The following MAP4K1 variants were observed in gnomAD, a reference collection of about 807,000 sequenced individuals.
The protein encoded by MAP4K1 is mitogen-activated protein kinase kinase kinase kinase 1, also known as MAPK/ERK kinase kinase kinase 1.
In MAP4K1, 35 loss-of-function variants were observed where a neutral mutation model predicts 122.8. The ratio of observed to expected loss-of-function variants is 0.29; its 90% confidence interval spans 0.22 to 0.38. MAP4K1 has a LOEUF of 0.38. MAP4K1 is among the 10% of genes least tolerant of loss of function. The pLI, the probability that MAP4K1 is intolerant of heterozygous loss-of-function variation, is 1.00. For missense variants in MAP4K1, 791 were observed against 1,072.6 expected (o/e 0.74, Z 3.67); for synonymous variants, 412 against 421.3 (o/e 0.98, Z 0.27).
intron 30 of MAP4K1, 32 bp from the exon 31 acceptor site, chr19:38,587,849 A>T (rs1362895208): frequency 6.7e-7 from 1 of 1,484,602 alleles, no homozygotes; most frequent in South Asian, 1.1e-5. Flanking sequence ...CAGTTCATTT[A>T]TTCATTCATA....
intron 19 of MAP4K1, 175 bp from the exon 20 acceptor site, chr19:38,601,700 C>T: frequency 1.8e-6 from 1 of 561,498 alleles, no homozygotes; most frequent in Non-Finnish European, 3.1e-6. Context: ...ATTGAGTTTT[C>T]TTTTCAGTTT....
At chr19:38,610,889 G>A (rs549242695) in intron 11 of MAP4K1, among the ~76,000 whole-genome samples, 162 bp downstream of exon 11, 17 of 152,174 alleles carry the variant, frequency 1.1e-4, no homozygotes, top group South Asian at 4.2e-4. Flanking sequence ...GGTATAACCC[G>A]GAGGGTCTCT....
At chr19:38,593,145 G>A (rs1454569545) in intron 30 of MAP4K1, 137 bp downstream of exon 30, 2 of 706,656 alleles carry the variant, frequency 2.8e-6, no homozygotes, top group East Asian at 6.1e-5. Context: ...ACAGACTCTA[G>A]GGAGCAGGGA....
chr19:38,596,352 G>A lies in MAP4K1; in HGVS notation c.2076C>T (p.Arg692=), dbSNP rs1974880782. ...PGKSVLFHTV[R]FGALSCWLGE... ...CCAGCCAGCAAGAGAGCGCGCCAAA[G>A]CGCACCGTGTGGAAGAGCACCGACT... The change falls in exon 26 of 31, where the codon CGC becomes CGT. Residue 692 remains arginine (R), a synonymous_variant. Transcript: ENST00000396857. 6.2e-7 allele frequency: 1 copy of A among 1,602,532 alleles called. No individual in the cohort carries two copies.
In MAP4K1 at chr19:38,597,103, G is replaced by A. The variant is rs199611484; in HGVS notation, c.1872C>T (p.Cys624=). Reference sequence around the variant, plus strand: ...GGACAACGGACGTCTCCAATGCACCGCACAGGAACGGGCCCCCAGAGCTCG... The same window carrying A: ...GGACAACGGACGTCTCCAATGCACCACACAGGAACGGGCCCCCAGAGCTCG... ...EGASSGGPFL[C]GALETSVVLL... The change falls in exon 25 of 31, where the codon TGC becomes TGT. Residue 624 remains cysteine (C), a synonymous_variant. Transcript: ENST00000396857. The surrounding 1 kb of genome is among the most constrained non-coding windows in gnomAD (Gnocchi z 4.6). 81 of 1,614,156 alleles carry A rather than the reference G, an allele frequency of 5.0e-5. No homozygotes were observed. In the African/African-American group the frequency reaches 8.8e-4, roughly 18 times the overall value.
rs1343764124 is a variant in MAP4K1, at chr19:38,607,992, G to A, written c.1107C>T (p.Pro369=). ...QPPRDLRSSS[P]RKQLSESSDD... Reference sequence around the variant, plus strand: ...CCATCCTCCCTGGGGTCCCTGACCTGGGGCTGCTGCTCCTGAGGTCTCGAG... The same window carrying A: ...CCATCCTCCCTGGGGTCCCTGACCTAGGGCTGCTGCTCCTGAGGTCTCGAG... Residue 369 remains proline (P), a splice_region_variant and synonymous_variant, in exon 15 of 31, where the codon CCC becomes CCT. Transcript: ENST00000396857. The A allele has an allele frequency of 5.0e-6, 8 of 1,611,490 alleles. No homozygotes were observed. The South Asian group carries it at 8.8e-5, about 18-fold the overall frequency.
intron 13 of MAP4K1, among the ~76,000 whole-genome samples, chr19:38,608,981 A>G (rs1269315143): frequency 6.6e-6 from 1 of 151,946 alleles, no homozygotes; most frequent in African/African-American, 2.4e-5. Flanking sequence ...ATCCTGTCAC[A>G]AAAAAATAAA....
chr19:38,593,682 C>T (rs1401816123), intron 29 of MAP4K1, among the ~76,000 whole-genome samples: 2 of 152,178 alleles, frequency 1.3e-5, no homozygotes, highest in African/African-American at 2.4e-5. Context: ...CCACTGGAGC[C>T]GAGATCTCCA....
At chr19:38,595,832 AGGCCCAG>A in intron 27 of MAP4K1, 100 bp downstream of exon 27, 1 of 1,497,250 alleles carries the variant, frequency 6.7e-7, no homozygotes, top group Middle Eastern at 1.7e-4. Flanking sequence ...GACAGGGGCA[AGGCCCAG>A]AGGGGCTCAG....
chr19:38,595,215 G>A (rs993091341), intron 29 of MAP4K1, among the ~76,000 whole-genome samples: 3 of 152,022 alleles, frequency 2.0e-5, no homozygotes, highest in Non-Finnish European at 4.4e-5. Context: ...CGTGAACCCG[G>A]GAGGTGGAGG....
chr19:38,593,200 C>CTCAGAATGT, intron 30 of MAP4K1, 82 bp downstream of exon 30: 1 of 1,358,768 alleles, frequency 7.4e-7, no homozygotes, highest in East Asian at 2.5e-5. Flanking sequence ...GCTAGAGATA[C>CTCAGAATGT]CTTGCTGGGG....
chr19:38,597,079 G>C lies in MAP4K1; in HGVS notation c.1896C>G (p.Val632=). ...TCATGGGCTGGTACCACTGAAGCAG[G>C]ACAACGGACGTCTCCAATGCACCGC... ...FLCGALETSV[V]LLQWYQPMNK... is the part of the protein sequence containing the mutation. Residue 632 remains valine (V), a synonymous_variant, in exon 25 of 31, where the codon GTC becomes GTG. Transcript: ENST00000396857. This position sits in a 1 kb window ranked among gnomAD's most constrained non-coding sequence, Gnocchi z 4.6. 1 of 1,614,152 alleles carries C rather than the reference G, an allele frequency of 6.2e-7. No individual in the cohort carries two copies. The highest frequency in any genetic ancestry group is 8.5e-7 in the Non-Finnish European group (1 of 1,180,020).
intron 30 of MAP4K1, among the ~76,000 whole-genome samples, chr19:38,589,876 G>A (rs1974653133): frequency 6.6e-6 from 1 of 151,992 alleles, no homozygotes; most frequent in Admixed American, 6.6e-5. Flanking sequence ...CAAAAAATAC[G>A]AAAATAAGCC....
At chr19:38,595,851 G>A (rs1974858349) in intron 27 of MAP4K1, 88 bp downstream of exon 27, 11 of 1,529,806 alleles carry the variant, frequency 7.2e-6, no homozygotes, top group Non-Finnish European at 1.0e-5. Flanking sequence ...GGGGCTCAGG[G>A]GGTTCTGAGA....
chr19:38,613,744 G>A (rs973227502), intron 8 of MAP4K1, 136 bp downstream of exon 8: 7 of 680,650 alleles, frequency 1.0e-5, no homozygotes, highest in African/African-American at 9.0e-5. Context: ...GCGACACCCA[G>A]AGAGAATGAA....
intron 4 of MAP4K1, among the ~76,000 whole-genome samples, chr19:38,615,301 G>A (rs1298075105): frequency 2.0e-5 from 3 of 151,944 alleles, no homozygotes; most frequent in Non-Finnish European, 4.4e-5. Flanking sequence ...TGAGGAGTCT[G>A]GGCTTCTCCT....
At chr19:38,610,530 C>A (rs768208123) in intron 11 of MAP4K1, among the ~76,000 whole-genome samples, 1 of 151,742 alleles carries the variant, frequency 6.6e-6, no homozygotes, top group Non-Finnish European at 1.5e-5. Context: ...GGATTACAGG[C>A]GTGCGCCACT....
At chr19:38,611,164 G>C in intron 10 of MAP4K1, 32 bp from the exon 11 acceptor site, 4 of 1,604,066 alleles carry the variant, frequency 2.5e-6, no homozygotes, top group Non-Finnish European at 3.4e-6. Context: ...TCTGGATGAG[G>C]GGACCAGAAA....
Position 38,595,698 on chromosome 19 carries a change from G to T in MAP4K1, c.2211C>A (p.Ser737=). 1 of 1,611,436 alleles carries T rather than the reference G, an allele frequency of 6.2e-7. No homozygotes were observed. Among genetic ancestry groups the T allele is most frequent in the Non-Finnish European group, 8.5e-7 (1 of 1,178,724 alleles). ...GSVKLVTPEG[S]PVRGLRTPEI... Reference sequence around the variant, plus strand: ...CAGGTGTGCGAAGTCCCCGGACTGGGGACCCCTCCGGGGTCACCAGCTTCA... The same window carrying T: ...CAGGTGTGCGAAGTCCCCGGACTGGTGACCCCTCCGGGGTCACCAGCTTCA... Residue 737 remains serine (S), a synonymous_variant, in exon 28 of 31, where the codon TCC becomes TCA. Transcript: ENST00000396857.
Sources: allele counts gnomAD v4.1 joint callset (sites outside exome capture counted in the v4.1 genomes callset), GRCh38; gene constraint gnomAD v4.1.1; non-coding constraint Gnocchi (gnomAD v3.1); transcripts MANE v1.5; gene names NCBI Gene and HGNC (gene_info 2026-07-23, HGNC 2026-07-21).